CALD1: variants seen among roughly 807,000 people sequenced by gnomAD.
CALD1 encodes caldesmon.
Under a neutral mutation model 99.9 loss-of-function variants are expected in CALD1, and 33 were observed. The ratio of observed to expected loss-of-function variants is 0.33; its 90% CI spans 0.25 to 0.44. The LOEUF is 0.44. Among genes scored for constraint, CALD1 ranks in the 20% least tolerant of loss-of-function variants. The probability of loss-of-function intolerance (pLI) is 1.00; values close to 1 mark genes in which losing one functional copy is unlikely to be tolerated. For synonymous variants in CALD1, 310 were observed against 325.0 expected, an observed-to-expected ratio of 0.95 and a Z score of 0.50; for missense variants, 861 against 962.1, an observed-to-expected ratio of 0.89 and a Z score of 1.39.
intron 3 of CALD1, among the ~76,000 whole-genome samples, chr7:134,902,039 G>A (rs112714280): frequency 4.7e-4 from 72 of 152,152 alleles, no homozygotes; most frequent in African/African-American, 1.6e-3. Context: ...TAAATGCAAC[G>A]AGCCTGGGCA....
Position 134,958,069 on chromosome 7 carries a change from A to G in CALD1, c.1936A>G (p.Ile646Val), listed in dbSNP as rs1807910346. The change falls in exon 10 of 15, where the codon ATA (isoleucine) becomes GTA (valine). Residue 646 changes from isoleucine to valine, a missense_variant and splice_region_variant. Transcript: ENST00000361675. ...CFTPKGSSLK[I>V]EERAEFLNKS... ...GTTTATTTTCTTTTGTAATTCCTAG[A>G]TAGAAGAGCGAGCAGAATTTTTGAA... 1 of 1,602,082 alleles carries G rather than the reference A, an allele frequency of 6.2e-7. No individual in the cohort carries two copies. The highest frequency in any genetic ancestry group is 8.5e-7 in the Non-Finnish European group (1 of 1,170,878).
chr7:134,926,391 G>GC lies in CALD1; in HGVS notation c.72-2356dup, dbSNP rs1035146245. Among the ~76,000 whole-genome samples, 37 of 152,004 alleles carry GC rather than the reference G, an allele frequency of 2.4e-4. 1 individual carries two copies. The East Asian group carries it at 2.9e-3, about 12-fold the overall frequency. On this transcript the variant is annotated intron_variant, in intron 3 of 14. Coordinates refer to ENST00000361675, the MANE Select transcript of CALD1 (RefSeq NM_033138.4). Reference sequence around the variant, plus strand: ...CATCCATTATCAACTATATCACATTGCCCCCCCATATTTGTGAAATAAACC... The same window carrying GC: ...CATCCATTATCAACTATATCACATTGCCCCCCCCATATTTGTGAAATAAACC...
intron 3 of CALD1, among the ~76,000 whole-genome samples, chr7:134,915,777 GT>G (rs1034657323): frequency 1.8e-4 from 27 of 152,320 alleles, no homozygotes; most frequent in Non-Finnish European, 3.4e-4. Flanking sequence ...CTCAAAGGGA[GT>G]CTTTAAGCAT....
At chr7:134,825,868 T>TG (rs1174956525) in intron 1 of CALD1, among the ~76,000 whole-genome samples, 3 of 152,126 alleles carry the variant, frequency 2.0e-5, no homozygotes, top group Non-Finnish European at 4.4e-5. Context: ...GCCCTGGGTA[T>TG]GCCGGGGAGA....
intron 5 of CALD1, 103 bp from the exon 6 acceptor site, chr7:134,935,585 T>C (rs1380594697): frequency 6.7e-7 from 1 of 1,500,710 alleles, no homozygotes; most frequent in African/African-American, 1.4e-5. Flanking sequence ...AGAGAAGCCA[T>C]CCCACGCAGC....
chr7:134,867,796 A>G lies in CALD1; in HGVS notation c.63A>G (p.Glu21=). 1 of 1,600,568 alleles carries G rather than the reference A, an allele frequency of 6.2e-7. No individual in the cohort carries two copies. Among genetic ancestry groups the G allele is most frequent in the Non-Finnish European group, 8.6e-7 (1 of 1,169,320 alleles). The change falls in exon 3 of 15, where the codon GAA becomes GAG. Residue 21 remains glutamate, a synonymous_variant. Coordinates refer to ENST00000361675, the MANE Select transcript of CALD1 (RefSeq NM_033138.4). ...AAAAGAGGGAGGAGATGCGACTCGA[A>G]GCAGAAAGGTAAGGATCTAGGGTGA... ...RRQKREEMRL[E]AERIAYQRND... is the part of the protein sequence containing the mutation.
intron 3 of CALD1, among the ~76,000 whole-genome samples, chr7:134,879,820 T>C (rs1801513366): frequency 6.6e-6 from 1 of 152,204 alleles, no homozygotes; most frequent in Non-Finnish European, 1.5e-5. Context: ...GCATTTGAGA[T>C]GTGTACCAAT....
At chr7:134,907,134 G>A (rs1049647429) in intron 3 of CALD1, among the ~76,000 whole-genome samples, 5 of 152,070 alleles carry the variant, frequency 3.3e-5, no homozygotes, top group African/African-American at 4.8e-5. Context: ...ATGGACCTGA[G>A]TTCCTGAGTT....
chr7:134,897,202 T>C (rs1251034928), intron 3 of CALD1, among the ~76,000 whole-genome samples: 1 of 152,104 alleles, frequency 6.6e-6, no homozygotes, highest in Non-Finnish European at 1.5e-5. Context: ...TGACTGAGCA[T>C]TAAGAACATC....
chr7:134,845,907 CT>C (rs1293301113), intron 2 of CALD1, among the ~76,000 whole-genome samples: 1 of 152,192 alleles, frequency 6.6e-6, no homozygotes, highest in Non-Finnish European at 1.5e-5. Context: ...TCTATTTTTT[CT>C]CCCCTAGTGT....
chr7:134,903,217 G>C (rs1257594514), intron 3 of CALD1, among the ~76,000 whole-genome samples: 1 of 152,088 alleles, frequency 6.6e-6, no homozygotes, highest in Non-Finnish European at 1.5e-5. Flanking sequence ...AGTGAAAATA[G>C]TTGGTATGAC....
intron 1 of CALD1, among the ~76,000 whole-genome samples, chr7:134,825,894 C>G (rs1373012509): frequency 6.6e-6 from 1 of 152,078 alleles, no homozygotes; most frequent in Non-Finnish European, 1.5e-5. Flanking sequence ...ATGCACATTT[C>G]TCAATGTCTC....
At chr7:134,717,308 G>T in the CALD1 span, among the ~76,000 whole-genome samples, 2 of 152,172 alleles carry the variant, frequency 1.3e-5, no homozygotes, top group East Asian at 3.8e-4. Flanking sequence ...CCATAACAGT[G>T]CCATACATAA....
At chr7:134,782,625 G>A (rs1272297618) in intron 1 of CALD1, among the ~76,000 whole-genome samples, 1 of 152,124 alleles carries the variant, frequency 6.6e-6, no homozygotes, top group Non-Finnish European at 1.5e-5. Context: ...AGTGAAGAAC[G>A]GACATTGGTA....
the CALD1 span, among the ~76,000 whole-genome samples, chr7:134,723,600 A>G: frequency 1.6e-5 from 2 of 125,782 alleles, no homozygotes; most frequent in African/African-American, 6.3e-5. Flanking sequence ...TTTAAACCTC[A>G]TTCCAGGTCT....
chr7:134,711,724 G>GTCTC, the CALD1 span, among the ~76,000 whole-genome samples: 11 of 91,920 alleles, frequency 1.2e-4, no homozygotes, highest in East Asian at 6.4e-4. Context: ...GTGTGTGTGT[G>GTCTC]TGTCTCTCTC....
chr7:134,953,315 C>T (rs1807504569), intron 9 of CALD1, among the ~76,000 whole-genome samples: 2 of 152,046 alleles, frequency 1.3e-5, no homozygotes, highest in Admixed American at 6.5e-5. Context: ...CTCGTCTCTA[C>T]TAAAAATACA....
intron 3 of CALD1, among the ~76,000 whole-genome samples, chr7:134,917,427 C>T (rs1024986748): frequency 6.6e-6 from 1 of 152,164 alleles, no homozygotes; most frequent in Non-Finnish European, 1.5e-5. Context: ...CAGCTTACTA[C>T]AACCTCCATT....
intron 9 of CALD1, among the ~76,000 whole-genome samples, chr7:134,956,062 A>G (rs193034675): frequency 1.6e-3 from 240 of 152,300 alleles, no homozygotes; most frequent in African/African-American, 5.6e-3. Context: ...AATAAGAGTT[A>G]CTTTACAGAT....
Sources: allele counts gnomAD v4.1 joint callset (sites outside exome capture counted in the v4.1 genomes callset), GRCh38; gene constraint gnomAD v4.1.1; transcripts MANE v1.5; gene names NCBI Gene and HGNC (gene_info 2026-07-23, HGNC 2026-07-21).